The following L2HGDH variants were observed in gnomAD, a reference collection of about 807,000 sequenced individuals.
The protein encoded by L2HGDH is L-2-hydroxyglutarate dehydrogenase, also known as L-2-hydroxyglutarate dehydrogenase, mitochondrial.
L2HGDH carries 34 observed loss-of-function variants against 51.5 expected under a neutral mutation model. That is an observed-to-expected ratio of 0.66 (90% CI 0.50 to 0.88). The LOEUF (loss-of-function observed/expected upper bound fraction) is 0.88, where lower values mean the gene tolerates loss of function less well. Among genes scored for constraint, L2HGDH ranks in the 40% least tolerant of loss-of-function variants. L2HGDH has a pLI of 0.00. For missense variants in L2HGDH, 558 were observed against 571.9 expected, an observed-to-expected ratio of 0.98 and a Z score of 0.25; for synonymous variants, 198 against 197.9, an observed-to-expected ratio of 1.00 and a Z score of -0.01.
intron 7 of L2HGDH, among the ~76,000 whole-genome samples, chr14:50,268,692 T>C (rs1285743259): frequency 6.6e-6 from 1 of 152,214 alleles, no homozygotes; most frequent in African/African-American, 2.4e-5. Flanking sequence ...ACCTAATATA[T>C]TTTAAGAGAT....
chr14:50,288,682 C>T (rs539075404), intron 4 of L2HGDH, among the ~76,000 whole-genome samples: 1 of 152,350 alleles, frequency 6.6e-6, no homozygotes, highest in South Asian at 2.1e-4. Context: ...CCGCCTACCT[C>T]GGCCTCCCAA....
Position 50,294,196 on chromosome 14 carries a change from A to G in L2HGDH, c.459T>C (p.Tyr153=). Residue 153 remains tyrosine (Y), a synonymous_variant, in exon 4 of 10, where the codon TAT becomes TAC. Coordinates refer to ENST00000267436, the MANE Select transcript of L2HGDH (RefSeq NM_024884.3). ...QEEIPRLQAL[Y]EKGLQNGVPG... Reference sequence around the variant, plus strand: ...GGACACCATTCTGGAGGCCTTTCTCATATAGGGCCTGAAGTCTGGGAATTT... The same window carrying G: ...GGACACCATTCTGGAGGCCTTTCTCGTATAGGGCCTGAAGTCTGGGAATTT... The G allele has an allele frequency of 1.9e-6, 3 of 1,613,366 alleles. No individual in the cohort carries two copies. The highest frequency in any genetic ancestry group is 2.5e-6 in the Non-Finnish European group (3 of 1,179,690).
chr14:50,312,033 C>G lies in L2HGDH; in HGVS notation c.118G>C (p.Gly40Arg), dbSNP rs1184011271. Residue 40 changes from glycine to arginine, a missense_variant, in exon 1 of 10, where the codon GGT (glycine) becomes CGT (arginine). By Grantham distance (125) the Gly-to-Arg change is moderately radical. Coordinates refer to ENST00000267436, the MANE Select transcript of L2HGDH (RefSeq NM_024884.3). ...ASGRPRPLCG[G>R]SRSASTSSFD... ...CACCTGGTGCTGGCGCTGCGGCTAC[C>G]TCCACACAGCGGTCTTGGCCTCCCA... The G allele has an allele frequency of 1.2e-5, 19 of 1,578,912 alleles. No individual in the cohort carries two copies. Among genetic ancestry groups the G allele is most frequent in the Non-Finnish European group, 1.5e-5 (18 of 1,164,714 alleles).
chr14:50,297,146 A>G (rs1384310142), intron 3 of L2HGDH, among the ~76,000 whole-genome samples: 7 of 152,206 alleles, frequency 4.6e-5, no homozygotes, highest in African/African-American at 1.7e-4. Flanking sequence ...CACAGCTAAC[A>G]TCATACTTAA....
chr14:50,309,057 C>G (rs1443174814), intron 1 of L2HGDH, among the ~76,000 whole-genome samples: 1 of 152,048 alleles, frequency 6.6e-6, no homozygotes, highest in Non-Finnish European at 1.5e-5. Context: ...GTGTATTAGT[C>G]CTTTGGGAGA....
chr14:50,294,604 T>C (rs1409034556), intron 3 of L2HGDH, among the ~76,000 whole-genome samples: 1 of 152,154 alleles, frequency 6.6e-6, no homozygotes, highest in African/African-American at 2.4e-5. Flanking sequence ...GACTTTACTT[T>C]TTTTCCCCCC....
intron 6 of L2HGDH, among the ~76,000 whole-genome samples, chr14:50,271,403 CAAGA>C (rs1432459376): frequency 3.9e-5 from 6 of 152,100 alleles, no homozygotes; most frequent in Non-Finnish European, 8.8e-5. Flanking sequence ...CAACAGTTCC[CAAGA>C]AAGAAATTAT....
At chr14:50,269,656 T>C (rs1158147975) in intron 6 of L2HGDH, among the ~76,000 whole-genome samples, 1 of 152,188 alleles carries the variant, frequency 6.6e-6, no homozygotes, top group African/African-American at 2.4e-5. Context: ...TATTAGGACC[T>C]AGCAGGGAGC....
intron 9 of L2HGDH, among the ~76,000 whole-genome samples, chr14:50,262,565 T>C (rs914931834): frequency 1.3e-5 from 2 of 152,112 alleles, no homozygotes; most frequent in Admixed American, 1.3e-4. Flanking sequence ...ACCGATATGA[T>C]AGAAGCCTCT....
In L2HGDH at chr14:50,245,703, A is replaced by C; in HGVS notation, c.*1355T>G. Reference sequence around the variant, plus strand: ...TGTCTATGAGAGACCAAACGAGCTTAGGTAGCGTAATGCTAAAAAATTGAT... The same window carrying C: ...TGTCTATGAGAGACCAAACGAGCTTCGGTAGCGTAATGCTAAAAAATTGAT... On this transcript the variant is annotated 3_prime_UTR_variant, in exon 10 of 10. Transcript: ENST00000267436. 1.0e-6 allele frequency: 1 copy of C among 984,942 alleles called. No individual in the cohort carries two copies. The highest frequency in any genetic ancestry group is 1.2e-6 in the Non-Finnish European group (1 of 829,466). 61.0% of individuals were successfully genotyped at this position (984,942 alleles called of 1,614,324 possible). A position where few individuals can be genotyped will look rare whatever the true frequency, so the allele number is the denominator to read the frequency against.
intron 3 of L2HGDH, among the ~76,000 whole-genome samples, chr14:50,295,990 C>T (rs1443350241): frequency 6.6e-6 from 1 of 151,878 alleles, no homozygotes; most frequent in African/African-American, 2.4e-5. Flanking sequence ...CCATCCACTT[C>T]GGCCTCCCAA....
intron 7 of L2HGDH, among the ~76,000 whole-genome samples, chr14:50,268,958 C>A (rs1250281978): frequency 6.6e-6 from 1 of 152,094 alleles, no homozygotes; most frequent in Admixed American, 6.5e-5. Flanking sequence ...GAGACATGTA[C>A]CTGCAGGCAA....
At chr14:50,302,638 C>T (rs115316721) in intron 2 of L2HGDH, among the ~76,000 whole-genome samples, 2,062 of 152,268 alleles carry the variant, frequency 0.014, 49 homozygotes, top group African/African-American at 0.047. Context: ...ATGTCTTTTC[C>T]TCCTTCCCTG....
At chr14:50,257,837 A>G (rs1396926878) in intron 9 of L2HGDH, among the ~76,000 whole-genome samples, 2 of 149,262 alleles carry the variant, frequency 1.3e-5, no homozygotes. Context: ...TATTATTACT[A>G]TTACCCATAG....
intron 1 of L2HGDH, among the ~76,000 whole-genome samples, chr14:50,306,042 T>C (rs574617825): frequency 1.4e-5 from 2 of 144,616 alleles, no homozygotes; most frequent in East Asian, 4.2e-4. Flanking sequence ...CTGACTGTTT[T>C]GACTGACTTT....
intron 6 of L2HGDH, among the ~76,000 whole-genome samples, chr14:50,276,673 T>C (rs1241867448): frequency 3.9e-5 from 6 of 152,146 alleles, no homozygotes; most frequent in African/African-American, 1.2e-4. Flanking sequence ...TGTGAGGACA[T>C]AGTAAGAAGG....
chr14:50,270,155 TGA>T (rs1376617854), intron 6 of L2HGDH, among the ~76,000 whole-genome samples: 2 of 152,248 alleles, frequency 1.3e-5, no homozygotes, highest in African/African-American at 4.8e-5. Context: ...GCACATTTAA[TGA>T]GAGCACACAC....
chr14:50,292,015 A>T (rs1360056899), intron 4 of L2HGDH, among the ~76,000 whole-genome samples: 1 of 152,218 alleles, frequency 6.6e-6, no homozygotes, highest in African/African-American at 2.4e-5. Context: ...ACCTGCAACA[A>T]ACAAATAAAA....
At chr14:50,270,249 AT>A (rs1281075307) in intron 6 of L2HGDH, among the ~76,000 whole-genome samples, 2 of 152,088 alleles carry the variant, frequency 1.3e-5, no homozygotes, top group Non-Finnish European at 2.9e-5. Flanking sequence ...TTATTTTGTG[AT>A]TATCATCTGC....
Sources: allele counts gnomAD v4.1 joint callset (sites outside exome capture counted in the v4.1 genomes callset), GRCh38; gene constraint gnomAD v4.1.1; transcripts MANE v1.5; gene names NCBI Gene and HGNC (gene_info 2026-07-23, HGNC 2026-07-21).